The following MDN1 variants were observed in gnomAD, a reference collection of about 807,000 sequenced individuals.
MDN1 encodes the protein midasin AAA ATPase 1.
Under a neutral mutation model 669.2 loss-of-function variants are expected in MDN1, and 266 were observed. The observed-to-expected ratio is 0.40, with a 90% confidence interval of 0.36 to 0.44. The LOEUF is 0.44. MDN1 is among the 20% of genes least tolerant of loss of function. The pLI is 1.00. For missense variants in MDN1, 5,940 were observed against 6,754.0 expected, an observed-to-expected ratio of 0.88 and a Z score of 4.22; for synonymous variants, 2,385 against 2,457.1, an observed-to-expected ratio of 0.97 and a Z score of 0.87.
intron 2 of MDN1, among the ~76,000 whole-genome samples, chr6:89,798,122 C>A (rs1438932732): frequency 2.8e-5 from 4 of 140,876 alleles, no homozygotes; most frequent in African/African-American, 1.1e-4. Context: ...GCGGAGCTTG[C>A]AGTGAGCCGA....
At chr6:89,768,658 G>A (rs530092643) in intron 15 of MDN1, among the ~76,000 whole-genome samples, 2 of 152,138 alleles carry the variant, frequency 1.3e-5, no homozygotes, top group African/African-American at 2.4e-5. Flanking sequence ...GATCACATGA[G>A]CCTAGGAGGT....
chr6:89,812,455 G>T (rs963541629), intron 1 of MDN1, among the ~76,000 whole-genome samples: 1 of 151,862 alleles, frequency 6.6e-6, no homozygotes, highest in Non-Finnish European at 1.5e-5. Flanking sequence ...AACCAATTCC[G>T]TTCCTTTGCT....
In MDN1 at chr6:89,819,746, C is replaced by A; in HGVS notation, c.-139G>T. 1 of 668,208 alleles carries A rather than the reference C, an allele frequency of 1.5e-6. No homozygotes were observed. Among genetic ancestry groups the A allele is most frequent in the Non-Finnish European group, 2.6e-6 (1 of 380,686 alleles). The allele number at this position is 668,208 out of a possible 1,614,324, so 41.4% of individuals were successfully genotyped here. The stretch of plus-strand genomic sequence containing the variant: ...GCGTCCTCAGCTCCAGCGCCTACAC[C>A]GGGAGAGGGGCACCACACGTGGGTG... On this transcript the variant is annotated 5_prime_UTR_variant, in exon 1 of 102. Transcript: ENST00000369393.
At position 89,732,761 on chromosome 6, in the gene MDN1, C is replaced by G; in HGVS notation, c.4738G>C (p.Glu1580Gln). Residue 1580 changes from glutamate (E) to glutamine (Q), a missense_variant, in exon 34 of 102, where the codon GAA (glutamate) becomes CAA (glutamine). This residue lies in a region of MDN1 where 2,292 missense variants were observed against 2,638.3 expected (regional missense o/e 0.87). Coordinates refer to ENST00000369393, the MANE Select transcript of MDN1 (RefSeq NM_014611.3). ...CAGTCAATGAAATCCAGCATCACTT[C>G]AGGTATGTCAGACCCTAAACACAAG... ...RIDPKGSDIP[E>Q]VMLDFIDWLT... The G allele has an allele frequency of 6.2e-7, 1 of 1,613,948 alleles. No homozygotes were observed. Among genetic ancestry groups the G allele is most frequent in the East Asian group, 2.2e-5 (1 of 44,896 alleles).
chr6:89,728,457 AG>A (rs771395546), intron 36 of MDN1, among the ~76,000 whole-genome samples: 27 of 152,240 alleles, frequency 1.8e-4, no homozygotes, highest in Non-Finnish European at 3.1e-4. Flanking sequence ...TTAATATTAT[AG>A]GTGTCAGCAA....
intron 5 of MDN1, 152 bp from the exon 6 acceptor site, chr6:89,790,553 A>G (rs1819208399): frequency 7.2e-6 from 7 of 967,604 alleles, no homozygotes; most frequent in East Asian, 2.4e-5. Flanking sequence ...TATGTCATCT[A>G]AAGATCTCAT....
Position 89,699,005 on chromosome 6 carries a change from A to G in MDN1, c.9028T>C (p.Ser3010Pro). The change falls in exon 59 of 102, where the codon TCC becomes CCC. Residue 3010 changes from serine to proline, a missense_variant. Transcript: ENST00000369393. ...ATAAACATGGAATTAAATAACTCGG[A>G]CCACAAAGATGTAATTTCTTCAGGA... is the stretch of plus-strand genomic sequence containing the variant. ...VSPEEITSLWSELFNSMFMSF... is the reference protein window; with the variant it reads ...VSPEEITSLWPELFNSMFMSF... 1 of 1,613,850 alleles carries G rather than the reference A, an allele frequency of 6.2e-7. No homozygotes were observed. The highest frequency in any genetic ancestry group is 8.5e-7 in the Non-Finnish European group (1 of 1,179,852).
intron 2 of MDN1, 62 bp downstream of exon 2, chr6:89,803,266 C>T (rs867953218): frequency 7.1e-7 from 1 of 1,406,922 alleles, no homozygotes; most frequent in Non-Finnish European, 1.0e-6. Flanking sequence ...TCCCTTACAT[C>T]CCAGGAGACA....
intron 44 of MDN1, 69 bp from the exon 45 acceptor site, chr6:89,715,838 C>T (rs1353239902): frequency 9.0e-6 from 9 of 997,742 alleles, no homozygotes; most frequent in African/African-American, 4.8e-5. Context: ...CTTCCATGCA[C>T]GGGGCTCCAA....
rs572819778 is a variant in MDN1, at chr6:89,670,851, A to G, written c.13956+68T>C. On this transcript the variant is annotated intron_variant, in intron 83 of 101. Transcript: ENST00000369393. ...GTCCAAAATAAAAGCCTATCACACC[A>G]AAGACTAATGACATGAAATTTACTT... is the stretch of plus-strand genomic sequence containing the variant. 30 of 1,524,050 alleles carry G rather than the reference A, an allele frequency of 2.0e-5. No individual in the cohort carries two copies. In the African/African-American group the frequency reaches 3.0e-4, roughly 15 times the overall value. 94.4% of individuals were successfully genotyped at this position (1,524,050 alleles called of 1,614,324 possible).
intron 90 of MDN1, among the ~76,000 whole-genome samples, chr6:89,657,002 C>T (rs1450031757): frequency 1.3e-5 from 2 of 152,144 alleles, no homozygotes; most frequent in African/African-American, 4.8e-5. Context: ...TAGGTACAGA[C>T]CTTATGTTAA....
intron 47 of MDN1, 97 bp downstream of exon 47, chr6:89,713,051 C>A: frequency 7.3e-7 from 1 of 1,365,650 alleles, no homozygotes; most frequent in Non-Finnish European, 1.0e-6. Context: ...GGTCAACTCT[C>A]TTAGGTCACT....
intron 3 of MDN1, 115 bp downstream of exon 3, chr6:89,794,462 A>G (rs1319367873): frequency 9.6e-7 from 1 of 1,046,676 alleles, no homozygotes; most frequent in Non-Finnish European, 1.4e-6. Flanking sequence ...AAAAGCCACA[A>G]GAACAAAAAT....
intron 53 of MDN1, 128 bp from the exon 54 acceptor site, chr6:89,702,189 T>G: frequency 1.2e-6 from 1 of 842,680 alleles, no homozygotes; most frequent in Non-Finnish European, 1.7e-6. Flanking sequence ...TAGGCTATAA[T>G]TGCTAATCAA....
intron 83 of MDN1, among the ~76,000 whole-genome samples, chr6:89,669,198 C>G (rs1382907789): frequency 6.6e-6 from 1 of 152,136 alleles, no homozygotes; most frequent in Non-Finnish European, 1.5e-5. Context: ...TACAGCCTGT[C>G]AGACAAAAGC....
At position 89,689,901 on chromosome 6, in the gene MDN1, T is replaced by C; in HGVS notation, c.10992A>G (p.Ala3664=). ...SLFLSCYQTG[A]SLVTHFYPLM... ...GGGGGTAGAAGTGTGTCACAAGCGA[T>C]GCCCCAGTCTGATAGCAAGACAGAA... Residue 3664 remains alanine, a synonymous_variant, in exon 65 of 102, where the codon GCA becomes GCG. Coordinates refer to ENST00000369393, the MANE Select transcript of MDN1 (RefSeq NM_014611.3). 1 of 1,614,184 alleles carries C rather than the reference T, an allele frequency of 6.2e-7. No homozygotes were observed. Among genetic ancestry groups the C allele is most frequent in the Non-Finnish European group, 8.5e-7 (1 of 1,180,024 alleles).
At chr6:89,672,179 T>C in intron 82 of MDN1, 21 bp downstream of exon 82, 1 of 1,551,904 alleles carries the variant, frequency 6.4e-7, no homozygotes, top group Non-Finnish European at 8.6e-7. Context: ...AGGAAGAAGT[T>C]TGTAAAGAAC....
intron 2 of MDN1, among the ~76,000 whole-genome samples, chr6:89,797,230 C>T (rs1250240269): frequency 1.3e-5 from 2 of 151,756 alleles, no homozygotes; most frequent in Middle Eastern, 3.4e-3. Flanking sequence ...ATTAGCTGGG[C>T]GTGGTGGCAC....
chr6:89,780,804 C>T (rs1011344793), intron 10 of MDN1, among the ~76,000 whole-genome samples: 28 of 107,828 alleles, frequency 2.6e-4, no homozygotes, highest in Non-Finnish European at 4.0e-4. Flanking sequence ...CCGTGCCTGG[C>T]TAATTTTTGT....
Sources: gnomAD v4.1 joint callset for allele counts (sites outside exome capture counted in the v4.1 genomes callset) on GRCh38, gnomAD v4.1.1 for gene constraint, gnomAD v4.1.1 regional missense constraint, MANE v1.5 for transcripts, NCBI Gene and HGNC (gene_info 2026-07-23, HGNC 2026-07-21) for gene names.